Variants in LPP observed in about 807,000 individuals in gnomAD.
LPP encodes lipoma-preferred partner.
LPP carries 38 observed loss-of-function variants against 60.4 expected under a neutral mutation model. The observed-to-expected ratio is 0.63, with a 90% CI of 0.49 to 0.83. LPP has a LOEUF of 0.83. Ranked by LOEUF, LPP falls within the 40% of genes least tolerant of loss-of-function variation. The pLI, the probability that LPP is intolerant of heterozygous loss-of-function variation, is 0.00. For missense variants in LPP, 902 were observed against 783.6 expected (o/e 1.15, Z -1.80); for synonymous variants, 328 against 290.8 (o/e 1.13, Z -1.30).
At chr3:188,840,067 G>T (rs1759539373) in intron 9 of LPP, among the ~76,000 whole-genome samples, 1 of 152,144 alleles carries the variant, frequency 6.6e-6, no homozygotes, top group South Asian at 2.1e-4. Flanking sequence ...AGAATACTCA[G>T]AAGACACAAC....
chr3:188,250,058 A>G (rs1728604991), intron 2 of LPP, among the ~76,000 whole-genome samples: 2 of 152,146 alleles, frequency 1.3e-5, no homozygotes, highest in African/African-American at 2.4e-5. Flanking sequence ...CACTGATTCA[A>G]TACTTCAGTC....
chr3:188,827,814 T>G (rs1054126982), intron 9 of LPP, among the ~76,000 whole-genome samples: 2 of 152,284 alleles, frequency 1.3e-5, no homozygotes, highest in Non-Finnish European at 1.5e-5. Context: ...AAATCTCTCA[T>G]CGTCCTCTTC....
rs79526083 is a variant in LPP at position 188,518,738 on chromosome 3, GA to G, written c.307-5926del. Reference sequence around the variant, plus strand: ...TCATGGTCATGTATGTTTTGAGTATGACGCTGGGCATTGGATCTAATTCTAG... The same window carrying G: ...TCATGGTCATGTATGTTTTGAGTATGCGCTGGGCATTGGATCTAATTCTAG... On this transcript the variant is annotated intron_variant, in intron 5 of 11. Coordinates refer to ENST00000617246, the MANE Select transcript of LPP (RefSeq NM_001375462.1). Among the ~76,000 whole-genome samples the G allele has an allele frequency of 3.3e-4, 50 of 152,332 alleles. No individual in the cohort carries two copies. In the East Asian group the frequency reaches 9.5e-3, roughly 29 times the overall value.
chr3:188,441,913 G>A (rs1208874432), intron 4 of LPP, among the ~76,000 whole-genome samples: 2 of 151,598 alleles, frequency 1.3e-5, no homozygotes, highest in Non-Finnish European at 2.9e-5. Flanking sequence ...GTGAGCCACC[G>A]CGCCCGGCCG....
chr3:188,316,951 A>G (rs902907779), intron 2 of LPP, among the ~76,000 whole-genome samples: 2 of 152,174 alleles, frequency 1.3e-5, no homozygotes, highest in South Asian at 2.1e-4. Context: ...GTCAGGCCCA[A>G]CAATCCTTGC....
chr3:188,200,574 A>G (rs114780900), intron 1 of LPP, among the ~76,000 whole-genome samples: 2,091 of 152,306 alleles, frequency 0.014, 55 homozygotes, highest in African/African-American at 0.048. Flanking sequence ...GGATTGGCCT[A>G]TGGAGTGTCC....
Position 188,716,328 on chromosome 3 carries a change from G to A in LPP, c.1240+7935G>A, listed in dbSNP as rs555780809. On this transcript the variant is annotated intron_variant, in intron 8 of 11. Coordinates refer to ENST00000617246, the MANE Select transcript of LPP (RefSeq NM_001375462.1). ...AGTGCTATGATCGGTCACTTTATTGGTTATGCCAGCTCATTGTATTTGGTG... is the reference window on the plus strand; with the variant it reads ...AGTGCTATGATCGGTCACTTTATTGATTATGCCAGCTCATTGTATTTGGTG... Among the ~76,000 whole-genome samples, 82 of 152,302 alleles carry A rather than the reference G, an allele frequency of 5.4e-4. 1 individual carries two copies. The highest frequency in any genetic ancestry group is 1.1e-3 in the Admixed American group (17 of 15,296).
chr3:188,373,019 C>T (rs1466237068), intron 3 of LPP, among the ~76,000 whole-genome samples: 1 of 118,122 alleles, frequency 8.5e-6, no homozygotes, highest in African/African-American at 2.8e-5. Context: ...CATCCATGTC[C>T]CTACAAAGGA....
intron 7 of LPP, among the ~76,000 whole-genome samples, chr3:188,706,259 A>G (rs1865459067): frequency 6.6e-6 from 1 of 152,172 alleles, no homozygotes; most frequent in South Asian, 2.1e-4. Flanking sequence ...GGGGGCTCTC[A>G]GTTTCCCTGT....
At chr3:188,420,784 A>G (rs1225267030) in intron 4 of LPP, among the ~76,000 whole-genome samples, 1 of 152,170 alleles carries the variant, frequency 6.6e-6, no homozygotes, top group African/African-American at 2.4e-5. Flanking sequence ...TACCAACATT[A>G]CTAGGCTGTG....
chr3:188,774,409 A>G (rs1220944615), intron 9 of LPP, among the ~76,000 whole-genome samples: 1 of 146,604 alleles, frequency 6.8e-6, no homozygotes, highest in Non-Finnish European at 1.5e-5. Context: ...TACATAGACT[A>G]TGAGCTCCTT....
chr3:188,495,082 A>ATATT lies in LPP; in HGVS notation c.306+10379_306+10380insATTT, dbSNP rs1342207321. ...CAGGATTTTATATATATATATATAT[A>ATATT]TTTTATTTATATTTTATTATATATT... On this transcript the variant is annotated intron_variant, in intron 5 of 11. Coordinates refer to ENST00000617246, the MANE Select transcript of LPP (RefSeq NM_001375462.1). Among the ~76,000 whole-genome samples, 5 of 97,244 alleles carry ATATT rather than the reference A, an allele frequency of 5.1e-5. 1 individual carries two copies. The highest frequency in any genetic ancestry group is 2.0e-4 in the African/African-American group (5 of 25,080). 63.8% of individuals were successfully genotyped at this position (97,244 alleles called of 152,430 possible). A position where few individuals can be genotyped will look rare whatever the true frequency, so the allele number is the denominator to read the frequency against.
In LPP at chr3:188,406,258, C is replaced by T; in HGVS notation, c.138C>T (p.Ala46=). ...CACAACAGCCACCCAAAAAGTTTGC[C>T]CCGGTAGTTGCTCCAAAACCTAAGT... ...VSTQQPPKKF[A]PVVAPKPKYN... The change falls in exon 4 of 12, where the codon GCC becomes GCT. Residue 46 remains alanine, a synonymous_variant. Coordinates refer to ENST00000617246, the MANE Select transcript of LPP (RefSeq NM_001375462.1). 1 of 1,614,090 alleles carries T rather than the reference C, an allele frequency of 6.2e-7. No homozygotes were observed. The highest frequency in any genetic ancestry group is 8.5e-7 in the Non-Finnish European group (1 of 1,180,004).
At chr3:188,782,525 A>C (rs1740132536) in intron 9 of LPP, among the ~76,000 whole-genome samples, 2 of 152,340 alleles carry the variant, frequency 1.3e-5, no homozygotes, top group East Asian at 1.9e-4. Context: ...ATTGCCTAGC[A>C]CAGTATCTGC....
intron 9 of LPP, among the ~76,000 whole-genome samples, chr3:188,798,957 A>C (rs990644563): frequency 1.3e-5 from 2 of 152,256 alleles, no homozygotes; most frequent in African/African-American, 2.4e-5. Context: ...TAAAAGGGTG[A>C]TTAACTGTTT....
chr3:188,262,261 T>C (rs1211236570), intron 2 of LPP, among the ~76,000 whole-genome samples: 2 of 152,110 alleles, frequency 1.3e-5, no homozygotes, highest in African/African-American at 4.8e-5. Context: ...TCTACCGATA[T>C]TCCCTACCAA....
At chr3:188,685,372 C>T (rs749462168) in intron 7 of LPP, among the ~76,000 whole-genome samples, 14 of 151,676 alleles carry the variant, frequency 9.2e-5, no homozygotes, top group Admixed American at 2.6e-4. Context: ...TCCACAGCCT[C>T]GGTGTGGAAA....
intron 1 of LPP, among the ~76,000 whole-genome samples, chr3:188,199,268 C>T (rs1730370378): frequency 6.6e-6 from 1 of 152,104 alleles, no homozygotes; most frequent in Non-Finnish European, 1.5e-5. Context: ...GCTGTAGATG[C>T]ATCATCTCGC....
intron 4 of LPP, among the ~76,000 whole-genome samples, chr3:188,457,735 A>T (rs1430975228): frequency 2.3e-5 from 1 of 44,138 alleles, no homozygotes; most frequent in Non-Finnish European, 3.9e-5. Context: ...TACTAAAAAA[A>T]AAAAATATAT....
Sources: allele counts gnomAD v4.1 joint callset (sites outside exome capture counted in the v4.1 genomes callset), GRCh38; gene constraint gnomAD v4.1.1; transcripts MANE v1.5; gene names NCBI Gene and HGNC (gene_info 2026-07-23, HGNC 2026-07-21).